The following B3GLCT variants were observed in gnomAD, a reference collection of about 807,000 sequenced individuals.
The protein encoded by B3GLCT is beta 3-glucosyltransferase, also known as beta-1,3-glucosyltransferase.
A neutral mutation model predicts 63.4 loss-of-function variants in B3GLCT; 65 were observed. The ratio of observed to expected loss-of-function variants is 1.03; its 90% confidence interval spans 0.84 to 1.26. B3GLCT has a LOEUF of 1.26. Among genes scored for constraint, B3GLCT ranks in the 50% most tolerant of loss-of-function variants. The pLI is 0.00. For missense variants in B3GLCT, 577 were observed against 604.8 expected (o/e 0.95, Z 0.48); for synonymous variants, 233 against 219.2 (o/e 1.06, Z -0.55).
At chr13:31,297,375 GTT>G (rs35163232) in intron 12 of B3GLCT, among the ~76,000 whole-genome samples, 1,793 of 127,714 alleles carry the variant, frequency 0.014, 21 homozygotes, top group African/African-American at 0.041. Flanking sequence ...TATTTTCTGG[GTT>G]TTTTTTTTTT....
intron 12 of B3GLCT, among the ~76,000 whole-genome samples, chr13:31,314,098 G>T (rs766817255): frequency 9.9e-5 from 15 of 152,188 alleles, no homozygotes; most frequent in Non-Finnish European, 1.9e-4. Flanking sequence ...TTCAGAAGAT[G>T]TATGGAAATG....
chr13:31,211,164 G>A (rs535636736), intron 1 of B3GLCT, among the ~76,000 whole-genome samples: 44 of 152,302 alleles, frequency 2.9e-4, no homozygotes, highest in African/African-American at 1.0e-3. Context: ...GGAGGCCGAG[G>A]TGGGTGGATC....
chr13:31,325,995 A>C (rs761655994), intron 14 of B3GLCT, among the ~76,000 whole-genome samples: 1 of 152,198 alleles, frequency 6.6e-6, no homozygotes, highest in Non-Finnish European at 1.5e-5. Flanking sequence ...CACAGCACCT[A>C]GAGCATATGG....
chr13:31,234,367 C>T (rs1286714147), intron 4 of B3GLCT, among the ~76,000 whole-genome samples: 1 of 152,106 alleles, frequency 6.6e-6, no homozygotes, highest in Non-Finnish European at 1.5e-5. Flanking sequence ...TAGAAGGGTA[C>T]TTGGGACACA....
intron 6 of B3GLCT, among the ~76,000 whole-genome samples, chr13:31,253,944 A>G (rs530549645): frequency 2.6e-4 from 39 of 152,324 alleles, no homozygotes; most frequent in African/African-American, 8.9e-4. Context: ...GAAAAAATGG[A>G]TAAATTCCTG....
At chr13:31,283,766 CA>C (rs1174755741) in intron 10 of B3GLCT, among the ~76,000 whole-genome samples, 3 of 152,010 alleles carry the variant, frequency 2.0e-5, no homozygotes, top group African/African-American at 4.8e-5. Flanking sequence ...GAGTTGGGAA[CA>C]GGGGAAAGAT....
At chr13:31,321,713 G>T (rs1366268394) in intron 13 of B3GLCT, among the ~76,000 whole-genome samples, 5 of 152,220 alleles carry the variant, frequency 3.3e-5, no homozygotes, top group Non-Finnish European at 7.3e-5. Flanking sequence ...TGTGGTTTCT[G>T]TGTAGGTATT....
At chr13:31,293,992 G>A (rs1007113644) in intron 12 of B3GLCT, among the ~76,000 whole-genome samples, 2 of 152,150 alleles carry the variant, frequency 1.3e-5, no homozygotes, top group African/African-American at 4.8e-5. Flanking sequence ...GCTCTTGTAA[G>A]GAAGGCCTTG....
intron 12 of B3GLCT, among the ~76,000 whole-genome samples, chr13:31,305,416 A>G (rs1294599803): frequency 1.3e-3 from 100 of 74,318 alleles, no homozygotes; most frequent in Admixed American, 2.6e-3. Context: ...GATCAACAAA[A>G]TTGATAGACC....
rs376987105 is a variant in B3GLCT at position 31,221,291 on chromosome 13, T to C, written c.121-1661T>C. Reference sequence around the variant, plus strand: ...AGGCAGCTTGGCCTGGGGCAAGTGGTGGGTTGCCAGTGGAGCCAAATGGCT... The same window carrying C: ...AGGCAGCTTGGCCTGGGGCAAGTGGCGGGTTGCCAGTGGAGCCAAATGGCT... On this transcript the variant is annotated intron_variant, in intron 2 of 14. Transcript: ENST00000343307. Among the ~76,000 whole-genome samples, 157 of 152,232 alleles carry C rather than the reference T, an allele frequency of 1.0e-3. 3 individuals carry two copies. The East Asian group carries it at 0.012, about 11-fold the overall frequency.
chr13:31,202,348 C>G (rs1014014346), intron 1 of B3GLCT, among the ~76,000 whole-genome samples: 1 of 152,162 alleles, frequency 6.6e-6, no homozygotes, highest in Admixed American at 6.5e-5. Context: ...AGTCAGGCCT[C>G]CAGGTTACCA....
At chr13:31,322,238 G>T (rs1463648855) in intron 13 of B3GLCT, among the ~76,000 whole-genome samples, 1 of 152,234 alleles carries the variant, frequency 6.6e-6, no homozygotes, top group Non-Finnish European at 1.5e-5. Flanking sequence ...GGAAGAGGCC[G>T]CAGGCAGTGT....
intron 6 of B3GLCT, among the ~76,000 whole-genome samples, chr13:31,255,492 A>G (rs1488306270): frequency 6.6e-6 from 1 of 152,232 alleles, no homozygotes; most frequent in South Asian, 2.1e-4. Context: ...CCACATAGCC[A>G]AGACAATGCT....
In B3GLCT at chr13:31,331,606, G is replaced by C. The variant is rs1165822204; in HGVS notation, c.*1938G>C. The C allele has an allele frequency of 2.0e-5, 3 of 152,226 alleles. No homozygotes were observed. Among genetic ancestry groups the C allele is most frequent in the Admixed American group, 2.0e-4 (3 of 15,274 alleles). The allele number at this position is 152,226 out of a possible 1,614,324, so 9.4% of individuals were successfully genotyped here. ...TGGGGAAAATGAATGAATGAAATCA[G>C]AAAAAAGTCAGCGGCTCAGTAAATA... On this transcript the variant is annotated 3_prime_UTR_variant, in exon 15 of 15. Transcript: ENST00000343307.
At chr13:31,257,125 A>G (rs1871783286) in intron 6 of B3GLCT, among the ~76,000 whole-genome samples, 1 of 152,176 alleles carries the variant, frequency 6.6e-6, no homozygotes, top group African/African-American at 2.4e-5. Context: ...ATCATATACT[A>G]TATAATAGCT....
intron 3 of B3GLCT, among the ~76,000 whole-genome samples, chr13:31,225,073 A>G (rs1166357252): frequency 6.6e-6 from 1 of 152,188 alleles, no homozygotes; most frequent in African/African-American, 2.4e-5. Context: ...TTGGCATTGC[A>G]TTGGCCCTTT....
chr13:31,328,469 G>A (rs915801470), intron 14 of B3GLCT, among the ~76,000 whole-genome samples: 1 of 151,962 alleles, frequency 6.6e-6, no homozygotes, highest in African/African-American at 2.4e-5. Flanking sequence ...CAAGGTAGGT[G>A]GATCACCTGA....
intron 12 of B3GLCT, among the ~76,000 whole-genome samples, chr13:31,313,240 T>C (rs771355268): frequency 6.6e-6 from 1 of 152,264 alleles, no homozygotes; most frequent in Non-Finnish European, 1.5e-5. Flanking sequence ...GAACTGTTAA[T>C]GTTACTATTG....
intron 4 of B3GLCT, among the ~76,000 whole-genome samples, chr13:31,236,144 C>A (rs1176625321): frequency 6.6e-6 from 1 of 152,202 alleles, no homozygotes; most frequent in Non-Finnish European, 1.5e-5. Flanking sequence ...GGGACCTGTT[C>A]CCTATTCCTT....
Sources: gnomAD v4.1 joint callset for allele counts (sites outside exome capture counted in the v4.1 genomes callset) on GRCh38, gnomAD v4.1.1 for gene constraint, MANE v1.5 for transcripts, NCBI Gene and HGNC (gene_info 2026-07-23, HGNC 2026-07-21) for gene names.